Variants in PRKN observed in about 807,000 individuals in gnomAD.
The protein encoded by PRKN is parkin RBR E3 ubiquitin protein ligase, also known as E3 ubiquitin-protein ligase parkin.
Under a neutral mutation model 59.5 loss-of-function variants are expected in PRKN, and 56 were observed. That is an observed-to-expected ratio of 0.94 (90% CI 0.76 to 1.18). PRKN has a LOEUF of 1.18. Ranked by LOEUF, PRKN falls within the 50% of genes most tolerant of loss-of-function variation. The pLI, the probability that PRKN is intolerant of heterozygous loss-of-function variation, is 0.00. For synonymous variants in PRKN, 250 were observed against 222.1 expected (o/e 1.13, Z -1.12); for missense variants, 657 against 596.4 (o/e 1.10, Z -1.06).
At chr6:162,435,489 A>G (rs909378913) in intron 2 of PRKN, among the ~76,000 whole-genome samples, 1 of 152,208 alleles carries the variant, frequency 6.6e-6, no homozygotes, top group African/African-American at 2.4e-5. Flanking sequence ...CAAAGAGGTA[A>G]GTCATTCAGG....
intron 7 of PRKN, among the ~76,000 whole-genome samples, chr6:161,741,840 C>T (rs999682227): frequency 6.6e-5 from 10 of 152,114 alleles, no homozygotes; most frequent in Admixed American, 6.5e-4. Context: ...GTAATAATCC[C>T]CACATGTTAA....
intron 1 of PRKN, among the ~76,000 whole-genome samples, chr6:162,498,970 A>G (rs945144101): frequency 4.6e-5 from 7 of 152,168 alleles, no homozygotes; most frequent in African/African-American, 7.2e-5. Context: ...TATTAAACAA[A>G]TATTTTAATC....
At chr6:161,879,854 A>ATAATTACAGCATTTTACATAATTAC (rs1329556041) in intron 6 of PRKN, among the ~76,000 whole-genome samples, 3 of 152,192 alleles carry the variant, frequency 2.0e-5, no homozygotes, top group Admixed American at 6.5e-5. Context: ...GTGTATTTTA[A>ATAATTACAGCATTTTACATAATTAC]AGCTTTTCTT....
intron 2 of PRKN, among the ~76,000 whole-genome samples, chr6:162,322,321 C>T (rs984913529): frequency 6.6e-6 from 1 of 151,926 alleles, no homozygotes; most frequent in African/African-American, 2.4e-5. Context: ...ATAAATGGAG[C>T]AGTATTTGCT....
rs1168535661 is a variant in PRKN at position 161,407,724 on chromosome 6, G to A, written c.1084-20847C>T. 6.6e-6 allele frequency among the ~76,000 whole-genome samples: 1 copy of A among 152,122 alleles called. No individual in the cohort carries two copies. Among genetic ancestry groups the A allele is most frequent in the Non-Finnish European group, 1.5e-5 (1 of 68,016 alleles). On this transcript the variant is annotated intron_variant, in intron 9 of 11. Transcript: ENST00000366898. This position sits in a 1 kb window ranked among gnomAD's most constrained non-coding sequence, Gnocchi z 4.9. The stretch of plus-strand genomic sequence containing the variant: ...AAGCAGCCAAAGAAAAACCACAAAA[G>A]AAGTGAAACAGCCAGCTCCTGCCAT...
intron 2 of PRKN, among the ~76,000 whole-genome samples, chr6:162,315,803 A>T (rs1176495078): frequency 1.3e-5 from 2 of 152,230 alleles, no homozygotes; most frequent in Non-Finnish European, 2.9e-5. Flanking sequence ...TCATAAAATT[A>T]TACAGCCAGA....
intron 1 of PRKN, among the ~76,000 whole-genome samples, chr6:162,701,538 T>A (rs1258233767): frequency 2.0e-5 from 3 of 151,892 alleles, no homozygotes; most frequent in African/African-American, 7.3e-5. Context: ...GTAATTTACA[T>A]GAACTATTAA....
intron 1 of PRKN, among the ~76,000 whole-genome samples, chr6:162,452,833 C>T (rs1467439598): frequency 2.0e-5 from 3 of 152,084 alleles, no homozygotes; most frequent in Non-Finnish European, 4.4e-5. Flanking sequence ...CAGCTATACT[C>T]TGTCTACAGG....
intron 2 of PRKN, among the ~76,000 whole-genome samples, chr6:162,388,575 AAGGAC>A: frequency 6.6e-6 from 1 of 152,282 alleles, no homozygotes; most frequent in South Asian, 2.1e-4. Context: ...AAAGGTCTCT[AAGGAC>A]AGGTGTGTTA....
At chr6:162,163,999 G>A (rs1167330779) in intron 4 of PRKN, among the ~76,000 whole-genome samples, 4 of 148,758 alleles carry the variant, frequency 2.7e-5, no homozygotes, top group South Asian at 2.1e-4. Context: ...AAATGAGGGC[G>A]GAGATGATTT....
chr6:161,443,134 C>T lies in PRKN; in HGVS notation c.1084-56257G>A, dbSNP rs922297060. ...GCCAGCCTGACCAACATGGAAAAAC[C>T]CCATCTCTACTAAAAATACAAAATT... On this transcript the variant is annotated intron_variant, in intron 9 of 11. Transcript: ENST00000366898. Among the ~76,000 whole-genome samples, 5 of 151,978 alleles carry T rather than the reference C, an allele frequency of 3.3e-5. No individual in the cohort carries two copies. In the South Asian group the frequency reaches 8.3e-4, roughly 25 times the overall value.
intron 6 of PRKN, among the ~76,000 whole-genome samples, chr6:161,911,208 G>A (rs1778348614): frequency 6.6e-6 from 1 of 152,130 alleles, no homozygotes; most frequent in East Asian, 1.9e-4. Flanking sequence ...CCCATCCTAT[G>A]GAGGCTGCCC....
chr6:161,605,952 T>G (rs1450181420), intron 7 of PRKN, among the ~76,000 whole-genome samples: 1 of 152,164 alleles, frequency 6.6e-6, no homozygotes, highest in African/African-American at 2.4e-5. Context: ...GCAAACACCC[T>G]GAGCCAAGAG....
chr6:162,227,215 T>G (rs533291147), intron 3 of PRKN, among the ~76,000 whole-genome samples: 2 of 152,350 alleles, frequency 1.3e-5, no homozygotes, highest in East Asian at 3.9e-4. Flanking sequence ...TTAGTGTGTG[T>G]GTTAATTCTC....
rs575790390 is a variant in PRKN at position 162,500,120 on chromosome 6, C to T, written c.8-56647G>A. The stretch of plus-strand genomic sequence containing the variant: ...TACCCTGCCCTTCTCAGCTCAGGTG[C>T]ACATCTCCTCCCATCACACCAAACA... On this transcript the variant is annotated intron_variant, in intron 1 of 11. Coordinates refer to ENST00000366898, the MANE Select transcript of PRKN (RefSeq NM_004562.3). Among the ~76,000 whole-genome samples the T allele has an allele frequency of 7.4e-4, 113 of 151,886 alleles. 3 individuals are homozygous for T. The South Asian group carries it at 0.015, about 20-fold the overall frequency.
At chr6:161,979,740 G>A (rs1614672) in intron 5 of PRKN, among the ~76,000 whole-genome samples, 34,641 of 151,744 alleles carry the variant, frequency 0.23, 4,174 homozygotes, top group South Asian at 0.28. Flanking sequence ...CCTCACTGTC[G>A]AAGCCTGACC....
In PRKN at chr6:161,360,787, T is replaced by G. The variant is rs1323327964; in HGVS notation, c.1168-582A>C. Among the ~76,000 whole-genome samples, 1 of 152,138 alleles carries G rather than the reference T, an allele frequency of 6.6e-6. No homozygotes were observed. The highest frequency in any genetic ancestry group is 1.5e-5 in the Non-Finnish European group (1 of 68,014). On this transcript the variant is annotated intron_variant, in intron 10 of 11. Coordinates refer to ENST00000366898, the MANE Select transcript of PRKN (RefSeq NM_004562.3). This position sits in a 1 kb window ranked among gnomAD's most constrained non-coding sequence, Gnocchi z 5.1. ...GAAGTCGATGTGCCAGAGAGGGCAGTGGGAGCTGTGAGTGAAGACTGTGGC... is the reference window on the plus strand; with the variant it reads ...GAAGTCGATGTGCCAGAGAGGGCAGGGGGAGCTGTGAGTGAAGACTGTGGC...
intron 5 of PRKN, among the ~76,000 whole-genome samples, chr6:162,021,142 AT>A (rs1562465433): frequency 0.11 from 3,860 of 34,436 alleles, 526 homozygotes; most frequent in South Asian, 0.27. Context: ...ATATATATAT[AT>A]ATATATATAT....
In PRKN at chr6:162,262,535, A is replaced by G; in HGVS notation, c.402T>C (p.Ala134=). The change falls in exon 3 of 12, where the codon GCT becomes GCC. Residue 134 remains alanine, a synonymous_variant. Transcript: ENST00000366898. ...HTDSRKDSPP[A]GSPAGRSIYN... ...GAGCATTCCAATTACCTGGACTTCC[A>G]GCTGGTGGTGAGTCCTTCCTGCTGT... 1 of 1,614,130 alleles carries G rather than the reference A, an allele frequency of 6.2e-7. No individual in the cohort carries two copies. The highest frequency in any genetic ancestry group is 8.5e-7 in the Non-Finnish European group (1 of 1,180,008).
Sources: gnomAD v4.1 joint callset for allele counts (sites outside exome capture counted in the v4.1 genomes callset) on GRCh38, gnomAD v4.1.1 for gene constraint, Gnocchi (gnomAD v3.1) non-coding constraint, MANE v1.5 for transcripts, NCBI Gene and HGNC (gene_info 2026-07-23, HGNC 2026-07-21) for gene names.